Variants in UNC80 observed in about 807,000 individuals in gnomAD.
UNC80 encodes the protein protein unc-80 homolog.
UNC80 carries 164 observed loss-of-function variants against 384.6 expected under a neutral mutation model. The ratio of observed to expected loss-of-function variants is 0.43; its 90% confidence interval spans 0.38 to 0.49. The LOEUF (loss-of-function observed/expected upper bound fraction) is 0.49. Among genes scored for constraint, UNC80 ranks in the 20% least tolerant of loss-of-function variants. The pLI, the probability that UNC80 is intolerant of heterozygous loss-of-function variation, is 0.00. For synonymous variants in UNC80, 1,486 were observed against 1,527.8 expected (o/e 0.97, Z 0.64); for missense variants, 3,330 against 4,143.0 (o/e 0.80, Z 5.39).
chr2:209,967,216 T>C (rs1399263270), intron 51 of UNC80, among the ~76,000 whole-genome samples: 2 of 152,118 alleles, frequency 1.3e-5, no homozygotes, highest in African/African-American at 2.4e-5. Flanking sequence ...TTACATGTTG[T>C]CTCTGAAGCA....
chr2:209,972,418 A>G (rs2092908926), intron 55 of UNC80, 94 bp downstream of exon 55: 9 of 1,477,012 alleles, frequency 6.1e-6, no homozygotes, highest in Middle Eastern at 1.9e-4. Flanking sequence ...CATGAAGGCT[A>G]TCACTGAAGT....
At chr2:209,865,763 G>T (rs2124870454) in intron 22 of UNC80, among the ~76,000 whole-genome samples, 1 of 152,060 alleles carries the variant, frequency 6.6e-6, no homozygotes, top group East Asian at 1.9e-4. Flanking sequence ...CATTTTCCTT[G>T]CATCTTAGAT....
chr2:209,942,768 G>A (rs1274515842), intron 44 of UNC80, among the ~76,000 whole-genome samples: 3 of 151,748 alleles, frequency 2.0e-5, no homozygotes, highest in Admixed American at 6.6e-5. Context: ...AAAAGATGGA[G>A]AAAGTTTAAA....
intron 36 of UNC80, among the ~76,000 whole-genome samples, chr2:209,928,728 T>C (rs979626485): frequency 1.3e-5 from 2 of 152,216 alleles, no homozygotes; most frequent in African/African-American, 4.8e-5. Context: ...AATAAATTAT[T>C]GTTACCTATA....
chr2:209,892,041 A>G (rs139909211), intron 26 of UNC80, among the ~76,000 whole-genome samples: 2 of 152,276 alleles, frequency 1.3e-5, no homozygotes, highest in Admixed American at 1.3e-4. Flanking sequence ...GGTCTGGTAG[A>G]TGTGGTTAGA....
At chr2:209,903,617 T>C (rs1267847678) in intron 28 of UNC80, among the ~76,000 whole-genome samples, 1 of 114,148 alleles carries the variant, frequency 8.8e-6, no homozygotes, top group Non-Finnish European at 1.7e-5. Flanking sequence ...AGTATATATG[T>C]AATATATATA....
chr2:209,900,033 T>C (rs2087218204), intron 28 of UNC80, among the ~76,000 whole-genome samples: 1 of 152,224 alleles, frequency 6.6e-6, no homozygotes, highest in Non-Finnish European at 1.5e-5. Context: ...AGCAAATGTC[T>C]CAAGGAGAAA....
At chr2:209,775,757 C>A (rs746830665) in intron 2 of UNC80, 132 bp from the exon 3 acceptor site, 2 of 783,580 alleles carry the variant, frequency 2.6e-6, no homozygotes, top group Non-Finnish European at 3.9e-6. Flanking sequence ...AGAATTTGGT[C>A]CAGTAATTTG....
chr2:209,911,196 C>A (rs1015225949), intron 29 of UNC80, among the ~76,000 whole-genome samples: 16 of 151,890 alleles, frequency 1.1e-4, no homozygotes, highest in African/African-American at 3.4e-4. Flanking sequence ...AGAGAGGTGC[C>A]AGTTTTTAGT....
At position 209,820,660 on chromosome 2, in the gene UNC80, A is replaced by G; in HGVS notation, c.2312A>G (p.Asn771Ser). Residue 771 changes from asparagine to serine, a missense_variant, in exon 13 of 65, where the codon AAT (asparagine) becomes AGT (serine). Asn to Ser is a conservative substitution (Grantham distance 46). Transcript: ENST00000673920. ...GGTGGAGGCGGCCCTTATGAGAAGA[A>G]TGATAAGAACCAAGAGAAGGTATGA... ...GGGGGGPYEK[N>S]DKNQEKDEST... The G allele has an allele frequency of 6.5e-7, 1 of 1,544,868 alleles. No individual in the cohort carries two copies. The highest frequency in any genetic ancestry group is 8.7e-7 in the Non-Finnish European group (1 of 1,144,012).
chr2:209,902,526 A>G (rs2087531963), intron 28 of UNC80, among the ~76,000 whole-genome samples: 1 of 152,154 alleles, frequency 6.6e-6, no homozygotes, highest in African/African-American at 2.4e-5. Flanking sequence ...ACAGTCAATT[A>G]ATGGGCCAAA....
chr2:209,917,642 G>T, intron 31 of UNC80, 135 bp from the exon 32 acceptor site: 2 of 1,027,082 alleles, frequency 1.9e-6, no homozygotes, highest in Non-Finnish European at 2.8e-6. Flanking sequence ...GTTTGCTTTT[G>T]CCAGTGCTGG....
At chr2:209,979,019 C>G (rs914846994) in intron 59 of UNC80, among the ~76,000 whole-genome samples, 6 of 152,146 alleles carry the variant, frequency 3.9e-5, no homozygotes, top group Admixed American at 1.3e-4. Flanking sequence ...GAGGCCGAGG[C>G]GGGTGGATCA....
Position 209,819,142 on chromosome 2 carries a change from T to C in UNC80, c.1843T>C (p.Cys615Arg), listed in dbSNP as rs772512893. The C allele has an allele frequency of 7.1e-6, 11 of 1,552,278 alleles. No homozygotes were observed. The highest frequency in any genetic ancestry group is 8.7e-6 in the Non-Finnish European group (10 of 1,147,132). ...GGAGATGCCACATGAACCTCTGGCATGTGCTAACCTACCTCGAAGCCTCAC... is the reference window on the plus strand; with the variant it reads ...GGAGATGCCACATGAACCTCTGGCACGTGCTAACCTACCTCGAAGCCTCAC... Reference protein sequence around the residue: ...IPEMPHEPLACANLPRSLTDS... With the variant: ...IPEMPHEPLARANLPRSLTDS... The change falls in exon 12 of 65, where the codon TGT becomes CGT. Residue 615 changes from cysteine (C) to arginine (R), a missense_variant. Around this residue, in one of 8 missense-constraint regions of UNC80, gnomAD observed 937 missense variants for 1,026.8 expected, o/e 0.91. Transcript: ENST00000673920.
Position 209,978,921 on chromosome 2 carries a change from CA to C in UNC80, c.9118+214del, listed in dbSNP as rs368565623. Among the ~76,000 whole-genome samples, 242 of 152,266 alleles carry C rather than the reference CA, an allele frequency of 1.6e-3. 2 individuals are homozygous for C. The highest frequency in any genetic ancestry group is 5.7e-3 in the African/African-American group (236 of 41,558). On this transcript the variant is annotated intron_variant, in intron 59 of 64. Transcript: ENST00000673920. ...ACCCTTTGGTCATTTAAAAAGAATTCAGGGAAAAAGTAAATATGAATTTGAA... is the reference window on the plus strand; with the variant it reads ...ACCCTTTGGTCATTTAAAAAGAATTCGGGAAAAAGTAAATATGAATTTGAA...
At chr2:209,821,453 A>T (rs1300182169) in intron 13 of UNC80, among the ~76,000 whole-genome samples, 1 of 152,230 alleles carries the variant, frequency 6.6e-6, no homozygotes, top group East Asian at 1.9e-4. Flanking sequence ...TCCTCAATGT[A>T]AAATTATTTC....
intron 18 of UNC80, among the ~76,000 whole-genome samples, chr2:209,835,824 C>T (rs2081298414): frequency 6.6e-6 from 1 of 152,184 alleles, no homozygotes; most frequent in African/African-American, 2.4e-5. Flanking sequence ...AAGTGAGAAG[C>T]ACACAGCTAT....
At chr2:209,900,843 A>G (rs983891006) in intron 28 of UNC80, among the ~76,000 whole-genome samples, 6 of 152,238 alleles carry the variant, frequency 3.9e-5, no homozygotes, top group Non-Finnish European at 7.3e-5. Flanking sequence ...AGAAAGTTTT[A>G]GTGGTCTGGA....
chr2:209,957,710 C>T lies in UNC80; in HGVS notation c.7524C>T (p.His2508=). The T allele has an allele frequency of 1.9e-6, 3 of 1,551,576 alleles. No individual in the cohort carries two copies. Among genetic ancestry groups the T allele is most frequent in the Non-Finnish European group, 2.6e-6 (3 of 1,146,880 alleles). ...QGHKGTTTAN[H]TMSSGVNTRY... ...ATAAGGGAACCACCACAGCCAATCA[C>T]ACCATGTCGTCTGGGGTGAACACCA... Residue 2508 remains histidine (H), a synonymous_variant, in exon 49 of 65, where the codon CAC becomes CAT. Transcript: ENST00000673920.
Sources: gnomAD v4.1 joint callset for allele counts (sites outside exome capture counted in the v4.1 genomes callset) on GRCh38, gnomAD v4.1.1 for gene constraint, gnomAD v4.1.1 regional missense constraint, MANE v1.5 for transcripts, NCBI Gene and HGNC (gene_info 2026-07-23, HGNC 2026-07-21) for gene names.